The following SEC16B variants were observed in gnomAD, a reference collection of about 807,000 sequenced individuals.
SEC16B encodes the protein protein transport protein Sec16B.
SEC16B carries 115 observed loss-of-function variants against 141.8 expected under a neutral mutation model. The observed-to-expected ratio is 0.81, with a 90% CI of 0.70 to 0.95. The LOEUF (loss-of-function observed/expected upper bound fraction) is 0.95, where lower values mean the gene tolerates loss of function less well. SEC16B is among the 40% of genes least tolerant of loss of function. The probability of loss-of-function intolerance (pLI) is 0.00; values close to 1 mark genes in which losing one functional copy is unlikely to be tolerated. For missense variants in SEC16B, 1,291 were observed against 1,312.3 expected, an observed-to-expected ratio of 0.98 and a Z score of 0.25; for synonymous variants, 493 against 492.5, an observed-to-expected ratio of 1.00 and a Z score of -0.01.
upstream of SEC16B, chr1:177,973,254 T>C (rs1010984333): frequency 1.3e-5 from 2 of 152,212 alleles, no homozygotes; most frequent in Non-Finnish European, 2.9e-5. Flanking sequence ...CTGGTTACTC[T>C]TGCAAAGGGC....
Position 177,930,661 on chromosome 1 carries a change from G to A in SEC16B, c.3013-18C>T. On this transcript the variant is annotated intron_variant, in intron 24 of 25. Coordinates refer to ENST00000308284, the MANE Select transcript of SEC16B (RefSeq NM_033127.4). Reference sequence around the variant, plus strand: ...GAAACACTCTGTGATGGAAAAGCATGGAAAATCCCATCAGTGCCTGCCTCC... The same window carrying A: ...GAAACACTCTGTGATGGAAAAGCATAGAAAATCCCATCAGTGCCTGCCTCC... The A allele has an allele frequency of 1.3e-6, 2 of 1,588,800 alleles. No individual in the cohort carries two copies. Among genetic ancestry groups the A allele is most frequent in the Non-Finnish European group, 1.7e-6 (2 of 1,158,428 alleles).
intron 12 of SEC16B, among the ~76,000 whole-genome samples, chr1:177,949,147 G>A (rs950977585): frequency 6.6e-6 from 1 of 152,082 alleles, no homozygotes; most frequent in African/African-American, 2.4e-5. Flanking sequence ...CCCAGTCCTT[G>A]TTGATCTGGT....
intron 18 of SEC16B, among the ~76,000 whole-genome samples, chr1:177,937,975 T>C (rs1323030190): frequency 1.3e-5 from 2 of 152,088 alleles, no homozygotes; most frequent in Non-Finnish European, 2.9e-5. Flanking sequence ...TACCAAACTA[T>C]ACACAGAACC....
intron 1 of SEC16B, 138 bp downstream of exon 1, chr1:177,969,746 T>C (rs760853677): frequency 1.3e-5 from 2 of 152,168 alleles, no homozygotes; most frequent in Non-Finnish European, 2.9e-5. Flanking sequence ...ATTACATCTA[T>C]GATGACAAAT....
chr1:177,949,482 A>T (rs1396794508), intron 12 of SEC16B, among the ~76,000 whole-genome samples: 1 of 151,960 alleles, frequency 6.6e-6, no homozygotes, highest in Non-Finnish European at 1.5e-5. Context: ...ATTTGAAAAG[A>T]TCACTATAAA....
At chr1:177,946,629 G>A in intron 13 of SEC16B, 98 bp from the exon 14 acceptor site, 1 of 843,998 alleles carries the variant, frequency 1.2e-6, no homozygotes. Context: ...GTGGCCTCGG[G>A]GGTCAGAGGG....
chr1:177,946,990 C>T (rs1651765266), intron 13 of SEC16B, among the ~76,000 whole-genome samples: 1 of 152,138 alleles, frequency 6.6e-6, no homozygotes, highest in Non-Finnish European at 1.5e-5. Context: ...AATGTTCTCC[C>T]ATACATTTTC....
At chr1:177,973,514 C>G (rs1329527381), upstream of SEC16B, among the ~76,000 whole-genome samples, 2 of 152,084 alleles carry the variant, frequency 1.3e-5, no homozygotes, top group African/African-American at 4.8e-5. Context: ...TTAGTTCAAC[C>G]ATCAAATGTG....
chr1:177,937,452 G>A lies in SEC16B; in HGVS notation c.2265C>T (p.Arg755=), dbSNP rs774821271. 7.5e-6 allele frequency: 12 copies of A among 1,603,730 alleles called. No individual in the cohort carries two copies. The highest frequency in any genetic ancestry group is 9.4e-6 in the Non-Finnish European group (11 of 1,175,162). Residue 755 remains arginine (R), a synonymous_variant, in exon 19 of 26, where the codon CGC becomes CGT. Transcript: ENST00000308284. ...GCTCAGGTGTCAGCCACAGAGCTGAGCGGTACCCAGGGGCTTCAGAGTAGC... is the reference window on the plus strand; with the variant it reads ...GCTCAGGTGTCAGCCACAGAGCTGAACGGTACCCAGGGGCTTCAGAGTAGC... ...CQGYSEAPGY[R]SALWLTPEQT...
intron 12 of SEC16B, among the ~76,000 whole-genome samples, 180 bp from the exon 13 acceptor site, chr1:177,948,122 G>A (rs1038105241): frequency 6.6e-6 from 1 of 152,112 alleles, no homozygotes; most frequent in Admixed American, 6.5e-5. Context: ...CTGTCAGAAG[G>A]ACACAGATAG....
intron 12 of SEC16B, chr1:177,948,273 AG>A (rs1651888758): frequency 8.4e-6 from 10 of 1,193,210 alleles, no homozygotes; most frequent in Non-Finnish European, 1.1e-5. Context: ...GACAAAACTC[AG>A]AAAAACCCTG....
intron 8 of SEC16B, 180 bp from the exon 9 acceptor site, chr1:177,959,155 G>A: frequency 1.4e-6 from 1 of 699,056 alleles, no homozygotes; most frequent in Non-Finnish European, 2.5e-6. Context: ...TATAGAACAA[G>A]AAGAAATTTC....
intron 1 of SEC16B, among the ~76,000 whole-genome samples, chr1:177,977,598 TAC>T (rs1248199224): frequency 6.6e-6 from 1 of 152,178 alleles, no homozygotes; most frequent in African/African-American, 2.4e-5. Flanking sequence ...TGATGCATGA[TAC>T]ACACAGTCAC....
intron 6 of SEC16B, 119 bp from the exon 7 acceptor site, chr1:177,961,058 C>T: frequency 2.6e-6 from 3 of 1,138,484 alleles, no homozygotes; most frequent in Non-Finnish European, 2.5e-6. Flanking sequence ...AAATAAGATT[C>T]TGGGTGGGTT....
In SEC16B at chr1:177,964,913, C is replaced by T. The variant is rs1183983662; in HGVS notation, c.533+134G>A. On this transcript the variant is annotated intron_variant, in intron 4 of 25. Transcript: ENST00000308284. ...GGCCAGGCCCATCCTGGGATATTCC[C>T]ATATCCCTGTGGCTACAACAAAGGT... 3.8e-6 allele frequency: 4 copies of T among 1,062,430 alleles called. No individual in the cohort carries two copies. In the East Asian group the frequency reaches 7.9e-5, roughly 21 times the overall value. The allele number at this position is 1,062,430 out of a possible 1,614,324, so 65.8% of individuals were successfully genotyped here. A position where few individuals can be genotyped will look rare whatever the true frequency, so the allele number is the denominator to read the frequency against.
intron 6 of SEC16B, chr1:177,961,243 A>T: frequency 4.6e-6 from 2 of 434,208 alleles, no homozygotes; most frequent in South Asian, 6.5e-5. Context: ...CTCTATACTC[A>T]TGACAAAGTT....
At chr1:177,960,205 C>A in intron 8 of SEC16B, 137 bp downstream of exon 8, 1 of 664,496 alleles carries the variant, frequency 1.5e-6, no homozygotes. Context: ...TATCTTGCAG[C>A]ACAGAGAATT....
In SEC16B at chr1:177,960,900, T is replaced by C. The variant is rs1182037198; in HGVS notation, c.827A>G (p.Tyr276Cys). The part of the protein sequence containing the change: ...SAGPKAPMKF[Y>C]IPHVPVSFGP... Reference sequence around the variant, plus strand: ...GAAACTCACAGGAACATGAGGGATGTAGAACTTCATGGGTGCTTTGGGACC... The same window carrying C: ...GAAACTCACAGGAACATGAGGGATGCAGAACTTCATGGGTGCTTTGGGACC... Residue 276 changes from tyrosine to cysteine, a missense_variant, in exon 7 of 26, where the codon TAC (tyrosine) becomes TGC (cysteine). Tyr to Cys is a radical substitution (Grantham distance 194). Around this residue, in one of 3 missense-constraint regions of SEC16B, gnomAD observed 681 missense variants for 675.5 expected, o/e 1.01. Transcript: ENST00000308284. 4.3e-6 allele frequency: 7 copies of C among 1,613,880 alleles called. No individual in the cohort carries two copies. Among genetic ancestry groups the C allele is most frequent in the African/African-American group, 1.3e-5 (1 of 74,928 alleles).
intron 24 of SEC16B, among the ~76,000 whole-genome samples, chr1:177,932,073 G>A (rs964948954): frequency 9.2e-5 from 14 of 152,214 alleles, no homozygotes; most frequent in African/African-American, 3.4e-4. Flanking sequence ...AACATTTGGA[G>A]ATGGGGTCTT....
Sources: allele counts gnomAD v4.1 joint callset (sites outside exome capture counted in the v4.1 genomes callset), GRCh38; gene constraint gnomAD v4.1.1; regional missense constraint gnomAD v4.1.1; transcripts MANE v1.5; gene names NCBI Gene and HGNC (gene_info 2026-07-23, HGNC 2026-07-21).